CRISP2: variants seen among roughly 807,000 people sequenced by gnomAD.
CRISP2 encodes the protein cysteine rich secretory protein 2.
Under a neutral mutation model 31.7 loss-of-function variants are expected in CRISP2, and 29 were observed. That is an observed-to-expected ratio of 0.92 (90% CI 0.68 to 1.25). CRISP2 has a LOEUF of 1.25. CRISP2 is among the 50% of genes most tolerant of loss of function. CRISP2 has a pLI of 0.00. For synonymous variants in CRISP2, 111 were observed against 101.4 expected, an observed-to-expected ratio of 1.09 and a Z score of -0.57; for missense variants, 318 against 286.5, an observed-to-expected ratio of 1.11 and a Z score of -0.79.
At position 49,705,231 on chromosome 6, in the gene CRISP2, T is replaced by C. The variant is rs562710917; in HGVS notation, c.66+3900A>G. Among the ~76,000 whole-genome samples the C allele has an allele frequency of 3.7e-3, 569 of 152,086 alleles. 3 individuals carry two copies. Among genetic ancestry groups the C allele is most frequent in the African/African-American group, 0.013 (539 of 41,476 alleles). On this transcript the variant is annotated intron_variant, in intron 4 of 9. Transcript: ENST00000339139. ...TGTGGTTCTCAGGCCAATGGAGTTA[T>C]GTTCCAAGGGGGCTATGGCTGCCTC...
chr6:49,685,005 G>A, the CRISP2 span, among the ~76,000 whole-genome samples: 4 of 152,188 alleles, frequency 2.6e-5, no homozygotes, highest in East Asian at 7.7e-4. Flanking sequence ...GGATGCTAAG[G>A]ACTCTGATGC....
chr6:49,691,305 T>C (rs190384921), downstream of CRISP2, among the ~76,000 whole-genome samples: 5 of 152,142 alleles, frequency 3.3e-5, no homozygotes, highest in East Asian at 9.7e-4. Flanking sequence ...CTTAAATATT[T>C]TAAAACATAG....
At chr6:49,705,160 A>G (rs1766802634) in intron 4 of CRISP2, among the ~76,000 whole-genome samples, 1 of 151,694 alleles carries the variant, frequency 6.6e-6, no homozygotes, top group African/African-American at 2.4e-5. Context: ...CTGAACTCTG[A>G]CTCTCCTTGG....
At chr6:49,688,882 G>T (rs544598018), downstream of CRISP2, among the ~76,000 whole-genome samples, 20 of 151,462 alleles carry the variant, frequency 1.3e-4, 1 homozygote, top group South Asian at 1.5e-3. Flanking sequence ...TTATTTTTTT[G>T]GGGGGGACTG....
chr6:49,698,629 A>G, intron 6 of CRISP2, 122 bp from the exon 7 acceptor site: 2 of 979,356 alleles, frequency 2.0e-6, no homozygotes, highest in Non-Finnish European at 3.0e-6. Flanking sequence ...CTGTTGATTA[A>G]TACATAAAGG....
chr6:49,702,301 C>T (rs1163054946), intron 4 of CRISP2, among the ~76,000 whole-genome samples: 3 of 149,612 alleles, frequency 2.0e-5, no homozygotes, highest in Non-Finnish European at 4.4e-5. Flanking sequence ...CATATAATGA[C>T]TTCTTTTCCT....
the CRISP2 span, among the ~76,000 whole-genome samples, chr6:49,687,024 G>A: frequency 1.3e-5 from 2 of 152,010 alleles, no homozygotes; most frequent in Admixed American, 6.6e-5. Flanking sequence ...GGATACAGGA[G>A]GGGAACATCA....
intron 3 of CRISP2, among the ~76,000 whole-genome samples, chr6:49,709,492 C>T (rs699955): frequency 0.55 from 83,211 of 151,996 alleles, 23,022 homozygotes; most frequent in Admixed American, 0.64. Context: ...CCTACTTCTG[C>T]TACCCTTACG....
intron 1 of CRISP2, among the ~76,000 whole-genome samples, chr6:49,713,221 G>C (rs1056188808): frequency 2.0e-5 from 3 of 152,174 alleles, no homozygotes; most frequent in African/African-American, 7.2e-5. Context: ...TACTTAGAAT[G>C]ATTTCTCTTT....
chr6:49,678,969 C>G, the CRISP2 span, among the ~76,000 whole-genome samples: 1 of 152,166 alleles, frequency 6.6e-6, no homozygotes, highest in East Asian at 1.9e-4. Context: ...TTTTAATACA[C>G]TTTGCCTCCC....
chr6:49,701,485 C>CGTGT (rs148496285), intron 4 of CRISP2, among the ~76,000 whole-genome samples: 2 of 81,494 alleles, frequency 2.5e-5, no homozygotes, highest in African/African-American at 9.9e-5. Context: ...AGCAGTATTA[C>CGTGT]GTGTGTGTGT....
At position 49,711,281 on chromosome 6, in the gene CRISP2, T is replaced by G. The variant is rs774798009; in HGVS notation, c.-10+4A>C. On this transcript the variant is annotated splice_donor_region_variant and intron_variant, in intron 3 of 9. Coordinates refer to ENST00000339139, the MANE Select transcript of CRISP2 (RefSeq NM_003296.4). ...CACATTAAAATCAATGATTTAACAC[T>G]TACTGTTGGTTTTCTGAGCAGGATG... 6.6e-6 allele frequency: 1 copy of G among 152,216 alleles called. No individual in the cohort carries two copies. Among genetic ancestry groups the G allele is most frequent in the African/African-American group, 2.4e-5 (1 of 41,458 alleles). The allele number at this position is 152,216 out of a possible 1,614,324, so 9.4% of individuals were successfully genotyped here. A position where few individuals can be genotyped will look rare whatever the true frequency, so the allele number is the denominator to read the frequency against.
intron 9 of CRISP2, among the ~76,000 whole-genome samples, chr6:49,694,011 T>C (rs1320146547): frequency 3.3e-5 from 5 of 152,212 alleles, no homozygotes; most frequent in Non-Finnish European, 2.9e-5. Flanking sequence ...ACTATCTCAA[T>C]ATCTAGGCAC....
chr6:49,680,143 C>CCCT, the CRISP2 span, among the ~76,000 whole-genome samples: 1 of 152,164 alleles, frequency 6.6e-6, no homozygotes, highest in Non-Finnish European at 1.5e-5. Flanking sequence ...CTGATCCTCT[C>CCCT]CCTCCTGCAT....
At chr6:49,705,213 C>T (rs184302268) in intron 4 of CRISP2, among the ~76,000 whole-genome samples, 378 of 152,076 alleles carry the variant, frequency 2.5e-3, no homozygotes, top group Non-Finnish European at 3.4e-3. Context: ...GGGTGTGGTT[C>T]TCAGGCCAAT....
chr6:49,710,332 T>G (rs1298876921), intron 3 of CRISP2, among the ~76,000 whole-genome samples: 1 of 152,198 alleles, frequency 6.6e-6, no homozygotes, highest in East Asian at 1.9e-4. Context: ...GATGATGTAA[T>G]TGAGGCTTAA....
intron 5 of CRISP2, 66 bp from the exon 6 acceptor site, chr6:49,699,957 T>A (rs762369709): frequency 1.1e-5 from 15 of 1,368,024 alleles, no homozygotes; most frequent in Non-Finnish European, 1.5e-5. Flanking sequence ...CACTTTATAA[T>A]CTGATTTGTA....
At chr6:49,709,595 T>C (rs936803514) in intron 3 of CRISP2, among the ~76,000 whole-genome samples, 2 of 152,218 alleles carry the variant, frequency 1.3e-5, no homozygotes, top group African/African-American at 4.8e-5. Flanking sequence ...ATTTTCAATA[T>C]GTACCATCTC....
chr6:49,696,143 G>A (rs552374907), intron 8 of CRISP2, among the ~76,000 whole-genome samples: 1 of 152,096 alleles, frequency 6.6e-6, no homozygotes, highest in Non-Finnish European at 1.5e-5. Flanking sequence ...CACAGGCTGG[G>A]TAACTAAATT....
Sources: gnomAD v4.1 joint callset for allele counts (sites outside exome capture counted in the v4.1 genomes callset) on GRCh38, gnomAD v4.1.1 for gene constraint, MANE v1.5 for transcripts, NCBI Gene and HGNC (gene_info 2026-07-23, HGNC 2026-07-21) for gene names.